TMC5: variants seen among roughly 807,000 people sequenced by gnomAD.
The protein encoded by TMC5 is transmembrane channel like 5.
In TMC5, 86 loss-of-function variants were observed where a neutral mutation model predicts 110.5. The observed-to-expected ratio is 0.78, with a 90% confidence interval of 0.65 to 0.93. The LOEUF is 0.93. TMC5 is among the 40% of genes least tolerant of loss of function. The probability of loss-of-function intolerance (pLI) is 0.00; values close to 1 mark genes in which losing one functional copy is unlikely to be tolerated. For missense variants in TMC5, 1,144 were observed against 1,222.8 expected (o/e 0.94, Z 0.96); for synonymous variants, 455 against 439.5 (o/e 1.04, Z -0.44).
rs753262126 is a variant in TMC5 at position 19,481,412 on chromosome 16, G to C, written c.2310G>C (p.Glu770Asp). Residue 770 changes from glutamate (E) to aspartate (D), a missense_variant, in exon 15 of 22, where the codon GAG becomes GAC. Glu to Asp is a conservative substitution (Grantham distance 45, BLOSUM62 2). Coordinates refer to ENST00000542583, the MANE Select transcript of TMC5 (RefSeq NM_001261841.2). ...TGATCACAAGTCTTGGCCTTCAGGAGTTTGACATTGCCAGGAACGTTCTAG... is the reference window on the plus strand; with the variant it reads ...TGATCACAAGTCTTGGCCTTCAGGACTTTGACATTGCCAGGAACGTTCTAG... ...MQLITSLGLQ[E>D]FDIARNVLEL... is the part of the protein sequence containing the mutation. The C allele has an allele frequency of 1.2e-6, 2 of 1,614,172 alleles. No homozygotes were observed. Among genetic ancestry groups the C allele is most frequent in the Non-Finnish European group, 8.5e-7 (1 of 1,180,016 alleles).
intron 7 of TMC5, 139 bp from the exon 8 acceptor site, chr16:19,463,637 A>G: frequency 1.7e-6 from 2 of 1,154,360 alleles, no homozygotes; most frequent in South Asian, 1.5e-5. Context: ...TTGACATAAC[A>G]TTTGTAAACA....
Position 19,434,643 on chromosome 16 carries a change from C to T in TMC5, c.-80+4003C>T, listed in dbSNP as rs535870964. 2.4e-4 allele frequency among the ~76,000 whole-genome samples: 37 copies of T among 151,708 alleles called. 2 individuals are homozygous for T. In the South Asian group the frequency reaches 7.3e-3, roughly 30 times the overall value. On this transcript the variant is annotated intron_variant, in intron 2 of 21. Coordinates refer to ENST00000542583, the MANE Select transcript of TMC5 (RefSeq NM_001261841.2). ...CTGGCCCATTTCCTATTTCTTTAAT[C>T]ATGTCCTGGTTGAGTGTGTGACTTT...
At chr16:19,460,474 C>T (rs1019179955) in intron 6 of TMC5, 140 bp downstream of exon 6, 7 of 576,964 alleles carry the variant, frequency 1.2e-5, no homozygotes, top group African/African-American at 1.9e-5. Context: ...TTCAAATGCC[C>T]TCTGTAGGTA....
chr16:19,430,336 C>T (rs1200759577), intron 1 of TMC5, 77 bp from the exon 2 acceptor site: 1 of 152,158 alleles, frequency 6.6e-6, no homozygotes, highest in Admixed American at 6.5e-5. Flanking sequence ...TTTCTGCTTC[C>T]AAATGCACAG....
At chr16:19,415,416 G>A (rs1966871817), upstream of TMC5, among the ~76,000 whole-genome samples, 1 of 152,186 alleles carries the variant, frequency 6.6e-6, no homozygotes, top group South Asian at 2.1e-4. Context: ...GGTTGTCGTA[G>A]CTTGCAGATG....
In TMC5 at chr16:19,460,217, C is replaced by T; in HGVS notation, c.1049-18C>T. The T allele has an allele frequency of 6.4e-7, 1 of 1,559,046 alleles. No homozygotes were observed. Among genetic ancestry groups the T allele is most frequent in the Admixed American group, 1.7e-5 (1 of 57,548 alleles). ...GTTAAAGAAAAAAGAAATTAAATTCCATTAATTTCTTTCATAGGACAGAAG... is the reference window on the plus strand; with the variant it reads ...GTTAAAGAAAAAAGAAATTAAATTCTATTAATTTCTTTCATAGGACAGAAG... On this transcript the variant is annotated intron_variant, in intron 5 of 21. Transcript: ENST00000542583.
intron 2 of TMC5, among the ~76,000 whole-genome samples, chr16:19,435,306 A>G (rs1967317828): frequency 6.7e-6 from 1 of 148,962 alleles, no homozygotes. Flanking sequence ...CCTGGCTAAC[A>G]TGGTGAAACC....
At chr16:19,421,544 T>C (rs576969651) in intron 1 of TMC5, among the ~76,000 whole-genome samples, 27 of 152,346 alleles carry the variant, frequency 1.8e-4, no homozygotes, top group Admixed American at 1.7e-3. Context: ...CCATTAAACC[T>C]CTTTTTCTTT....
At chr16:19,492,349 A>G (rs1968929420) in intron 19 of TMC5, 121 bp downstream of exon 19, 1 of 527,318 alleles carries the variant, frequency 1.9e-6, no homozygotes, top group Admixed American at 3.4e-5. Context: ...AGCCCTAACA[A>G]CCATCAATGT....
rs377209237 is a variant in TMC5, at chr16:19,434,497, G to GATAGATAGAT, written c.-80+3858_-80+3859insTAGATAGATA. On this transcript the variant is annotated intron_variant, in intron 2 of 21. Coordinates refer to ENST00000542583, the MANE Select transcript of TMC5 (RefSeq NM_001261841.2). ...ATAGATAGATAGATAGATAGATATA[G>GATAGATAGAT]AGAGAGAGAGAGATGGGGGTCTTGC... Among the ~76,000 whole-genome samples, 154 of 124,602 alleles carry GATAGATAGAT rather than the reference G, an allele frequency of 1.2e-3. 6 individuals are homozygous for GATAGATAGAT. The highest frequency in any genetic ancestry group is 3.1e-3 in the African/African-American group (85 of 27,522). The allele number at this position is 124,602 out of a possible 152,430, so 81.7% of individuals were successfully genotyped here.
intron 1 of TMC5, among the ~76,000 whole-genome samples, chr16:19,425,320 G>A (rs1967067809): frequency 7.3e-6 from 1 of 137,468 alleles, no homozygotes; most frequent in African/African-American, 2.6e-5. Context: ...CAGGTGAGTT[G>A]AGTTTGCTTT....
chr16:19,456,244 ATATATG>A (rs1475019117), intron 5 of TMC5, among the ~76,000 whole-genome samples: 3 of 148,318 alleles, frequency 2.0e-5, no homozygotes, highest in Non-Finnish European at 4.4e-5. Context: ...TTTAGAATAT[ATATATG>A]TATATTTAGA....
chr16:19,454,573 G>T (rs1967822114), intron 5 of TMC5, among the ~76,000 whole-genome samples: 1 of 152,126 alleles, frequency 6.6e-6, no homozygotes, highest in Non-Finnish European at 1.5e-5. Flanking sequence ...AAAGTACTTG[G>T]CCTGCAGTAA....
Position 19,472,077 on chromosome 16 carries a change from T to C in TMC5, c.1783-11T>C. 6.2e-7 allele frequency: 1 copy of C among 1,613,402 alleles called. No individual in the cohort carries two copies. Among genetic ancestry groups the C allele is most frequent in the Non-Finnish European group, 8.5e-7 (1 of 1,179,618 alleles). On this transcript the variant is annotated splice_polypyrimidine_tract_variant and intron_variant, in intron 10 of 21. Transcript: ENST00000542583. ...TGCCCAGCCATAAACTTGACTTTCT[T>C]ATGTTTCTAGGAGAACCTGTCAGAG...
At position 19,440,106 on chromosome 16, in the gene TMC5, A is replaced by G; in HGVS notation, c.68A>G (p.Gln23Arg). ...DPDYPDYSGS[Q>R]NRTQGYLKTQ... Reference sequence around the variant, plus strand: ...GATTACCCTGACTATTCAGGGTCTCAGAACCGTACGCAGGGGTATTTGAAA... The same window carrying G: ...GATTACCCTGACTATTCAGGGTCTCGGAACCGTACGCAGGGGTATTTGAAA... Residue 23 changes from glutamine (Q) to arginine (R), a missense_variant, in exon 3 of 22, where the codon CAG becomes CGG. Coordinates refer to ENST00000542583, the MANE Select transcript of TMC5 (RefSeq NM_001261841.2). 1 of 1,614,136 alleles carries G rather than the reference A, an allele frequency of 6.2e-7. No individual in the cohort carries two copies. The highest frequency in any genetic ancestry group is 2.2e-5 in the East Asian group (1 of 44,870).
upstream of TMC5, among the ~76,000 whole-genome samples, chr16:19,415,371 C>G (rs934697879): frequency 6.6e-6 from 1 of 152,052 alleles, no homozygotes; most frequent in African/African-American, 2.4e-5. Context: ...GTTTTGCCTC[C>G]CAGGGGATAT....
At chr16:19,466,352 CTCTTT>C in intron 9 of TMC5, 119 bp downstream of exon 9, 4 of 1,059,968 alleles carry the variant, frequency 3.8e-6, no homozygotes, top group South Asian at 1.6e-5. Context: ...CTCCTCTCCT[CTCTTT>C]TCTTTTCTTT....
intron 20 of TMC5, among the ~76,000 whole-genome samples, chr16:19,496,308 C>A (rs886113020): frequency 5.9e-5 from 9 of 152,074 alleles, no homozygotes; most frequent in South Asian, 2.1e-4. Context: ...ATACATGAAA[C>A]CCTGCTCTAA....
intron 2 of TMC5, among the ~76,000 whole-genome samples, chr16:19,434,067 ATATATTATATATAAT>A (rs1967257194): frequency 1.7e-4 from 4 of 23,516 alleles, no homozygotes; most frequent in African/African-American, 1.0e-3. Flanking sequence ...ATAAATCTAT[ATATATTATATATAAT>A]ATATATATAT....
Sources: allele counts gnomAD v4.1 joint callset (sites outside exome capture counted in the v4.1 genomes callset), GRCh38; gene constraint gnomAD v4.1.1; transcripts MANE v1.5; gene names NCBI Gene and HGNC (gene_info 2026-07-23, HGNC 2026-07-21).